ANKRD62: variants seen among roughly 807,000 people sequenced by gnomAD.
ANKRD62 encodes the protein ankyrin repeat domain 62.
A neutral mutation model predicts 98.8 loss-of-function variants in ANKRD62; 61 were observed. The observed-to-expected ratio is 0.62, with a 90% CI of 0.50 to 0.76. The LOEUF is 0.76. Ranked by LOEUF, ANKRD62 falls within the 30% of genes least tolerant of loss-of-function variation. ANKRD62 has a pLI of 0.00. For synonymous variants in ANKRD62, 341 were observed against 367.9 expected (o/e 0.93, Z 0.84); for missense variants, 933 against 1,082.9 (o/e 0.86, Z 1.94).
chr18:12,121,140 A>G (rs1241183981), intron 10 of ANKRD62, among the ~76,000 whole-genome samples: 1 of 152,168 alleles, frequency 6.6e-6, no homozygotes, highest in Non-Finnish European at 1.5e-5. Flanking sequence ...TACCTCTGAC[A>G]TTGTAATTTA....
the ANKRD62 span, among the ~76,000 whole-genome samples, chr18:12,137,839 G>A: frequency 2.6e-5 from 4 of 152,196 alleles, no homozygotes; most frequent in Admixed American, 1.3e-4. Context: ...GCAGTGAGGT[G>A]TTTATAGTAT....
chr18:12,102,731 A>G (rs1330510259), intron 6 of ANKRD62: 6 of 1,009,366 alleles, frequency 5.9e-6, no homozygotes, highest in Non-Finnish European at 5.9e-6. Context: ...TATAAGCAGT[A>G]ACAGTCATAT....
At chr18:12,130,073 G>A (rs192484302), downstream of ANKRD62, among the ~76,000 whole-genome samples, 1 of 152,146 alleles carries the variant, frequency 6.6e-6, no homozygotes, top group African/African-American at 2.4e-5. Flanking sequence ...TGTAGTAGGA[G>A]AATTGTATCA....
chr18:12,098,796 GTC>G (rs1909238741), intron 5 of ANKRD62, among the ~76,000 whole-genome samples: 1 of 152,110 alleles, frequency 6.6e-6, no homozygotes, highest in South Asian at 2.1e-4. Context: ...GAGGGTTTTT[GTC>G]TTCCATGTCA....
At chr18:12,104,429 T>C (rs1396954120) in intron 7 of ANKRD62, among the ~76,000 whole-genome samples, 1 of 152,118 alleles carries the variant, frequency 6.6e-6, no homozygotes, top group Non-Finnish European at 1.5e-5. Flanking sequence ...TCTTCCACTT[T>C]CACATCTGCA....
chr18:12,179,650 T>C, the ANKRD62 span, among the ~76,000 whole-genome samples: 4 of 151,386 alleles, frequency 2.6e-5, no homozygotes, highest in Middle Eastern at 3.2e-3. Flanking sequence ...TGGAACACTG[T>C]CCTTACTTTA....
chr18:12,100,778 G>A (rs547758134), intron 6 of ANKRD62, among the ~76,000 whole-genome samples: 324 of 152,210 alleles, frequency 2.1e-3, no homozygotes, highest in Non-Finnish European at 3.5e-3. Flanking sequence ...TATTTACTTC[G>A]TTAGGGTGAG....
chr18:12,138,769 G>A, the ANKRD62 span, among the ~76,000 whole-genome samples: 1 of 152,050 alleles, frequency 6.6e-6, no homozygotes. Flanking sequence ...GTTAGTTCTT[G>A]TTGTATTGAT....
the ANKRD62 span, among the ~76,000 whole-genome samples, chr18:12,172,118 C>A: frequency 5.5e-4 from 83 of 152,154 alleles, no homozygotes; most frequent in Non-Finnish European, 8.4e-4. Context: ...TATTACTGAT[C>A]ATCTGAAGCC....
chr18:12,153,030 G>A, the ANKRD62 span, among the ~76,000 whole-genome samples: 1 of 152,124 alleles, frequency 6.6e-6, no homozygotes, highest in African/African-American at 2.4e-5. Flanking sequence ...AGATGAGAAC[G>A]AAATCAGGAA....
the ANKRD62 span, among the ~76,000 whole-genome samples, chr18:12,138,679 C>CT: frequency 2.0e-5 from 3 of 152,150 alleles, no homozygotes. Flanking sequence ...GTGTGGGAGT[C>CT]TAAGTCTGTT....
In ANKRD62 at chr18:12,125,665, C is replaced by A; in HGVS notation, c.1844C>A (p.Thr615Lys). The change falls in exon 13 of 14, where the codon ACA becomes AAA. Residue 615 changes from threonine (T) to lysine (K), a missense_variant. Transcript: ENST00000587848. ...KTLKRNEEAL[T>K]KTITRYSKEL... ...CTCAAGCGGAATGAGGAAGCATTAA[C>A]AAAAACAATAACCCGGTATAGTAAA... 1 of 1,532,708 alleles carries A rather than the reference C, an allele frequency of 6.5e-7. No individual in the cohort carries two copies. Among genetic ancestry groups the A allele is most frequent in the Non-Finnish European group, 8.7e-7 (1 of 1,145,538 alleles). 94.9% of individuals were successfully genotyped at this position (1,532,708 alleles called of 1,614,324 possible). A position where few individuals can be genotyped will look rare whatever the true frequency, so the allele number is the denominator to read the frequency against.
At chr18:12,110,078 C>A (rs1218082993) in intron 8 of ANKRD62, among the ~76,000 whole-genome samples, 1 of 152,088 alleles carries the variant, frequency 6.6e-6, no homozygotes, top group African/African-American at 2.4e-5. Flanking sequence ...TTTAGAGGCA[C>A]TCTCAATGCA....
At chr18:12,160,870 C>T in the ANKRD62 span, among the ~76,000 whole-genome samples, 38 of 152,130 alleles carry the variant, frequency 2.5e-4, no homozygotes, top group African/African-American at 8.4e-4. Flanking sequence ...GAATAGACAT[C>T]GCCTCAGTGC....
chr18:12,162,623 G>A, the ANKRD62 span, among the ~76,000 whole-genome samples: 2 of 151,916 alleles, frequency 1.3e-5, no homozygotes, highest in Non-Finnish European at 2.9e-5. Context: ...GTTTCCCTGT[G>A]TTCTTGTAGT....
intron 12 of ANKRD62, among the ~76,000 whole-genome samples, chr18:12,124,544 A>G (rs1312626051): frequency 6.6e-6 from 1 of 152,114 alleles, no homozygotes; most frequent in Non-Finnish European, 1.5e-5. Context: ...TAATATATAT[A>G]CTTAGTGATA....
chr18:12,140,851 T>G, the ANKRD62 span, among the ~76,000 whole-genome samples: 1 of 152,210 alleles, frequency 6.6e-6, no homozygotes, highest in Non-Finnish European at 1.5e-5. Context: ...TCAAGCTGCC[T>G]GCTGGGAGAA....
intron 3 of ANKRD62, among the ~76,000 whole-genome samples, 176 bp from the exon 4 acceptor site, chr18:12,096,020 T>C (rs1458719485): frequency 1.3e-5 from 2 of 152,142 alleles, no homozygotes; most frequent in Non-Finnish European, 2.9e-5. Flanking sequence ...CTAGGAGGGG[T>C]ATCTGAAAGG....
At chr18:12,097,873 C>T (rs1909215447) in intron 5 of ANKRD62, 96 bp downstream of exon 5, 2 of 1,443,886 alleles carry the variant, frequency 1.4e-6, no homozygotes, top group Non-Finnish European at 9.2e-7. Context: ...TAGTTTGGTT[C>T]AGGTAGTTTT....
Sources: allele counts gnomAD v4.1 joint callset (sites outside exome capture counted in the v4.1 genomes callset), GRCh38; gene constraint gnomAD v4.1.1; transcripts MANE v1.5; gene names NCBI Gene and HGNC (gene_info 2026-07-23, HGNC 2026-07-21).